DGKI: variants seen among roughly 807,000 people sequenced by gnomAD.
DGKI encodes diacylglycerol kinase iota.
In DGKI, 55 loss-of-function variants were observed where a neutral mutation model predicts 147.5. The observed-to-expected ratio is 0.37, with a 90% CI of 0.30 to 0.47. DGKI has a LOEUF of 0.47. Among genes scored for constraint, DGKI ranks in the 20% least tolerant of loss-of-function variants. DGKI has a pLI of 1.00. For missense variants in DGKI, 1,007 were observed against 1,323.8 expected (o/e 0.76, Z 3.71); for synonymous variants, 469 against 477.1 (o/e 0.98, Z 0.22).
chr7:137,743,574 A>G (rs1467945199), intron 1 of DGKI, among the ~76,000 whole-genome samples: 1 of 152,226 alleles, frequency 6.6e-6, no homozygotes, highest in Non-Finnish European at 1.5e-5. Flanking sequence ...TCAAAAAATT[A>G]TTTGAAACAA....
chr7:137,768,679 T>C (rs1450611039), intron 1 of DGKI, among the ~76,000 whole-genome samples: 1 of 152,160 alleles, frequency 6.6e-6, no homozygotes, highest in Non-Finnish European at 1.5e-5. Context: ...CCCTGAATCT[T>C]TGCCCCATCC....
intron 1 of DGKI, among the ~76,000 whole-genome samples, chr7:137,747,083 T>C (rs1470492658): frequency 6.6e-6 from 1 of 152,160 alleles, no homozygotes; most frequent in Non-Finnish European, 1.5e-5. Flanking sequence ...CCTAATAATT[T>C]AGGTTTTTTT....
chr7:137,447,076 C>A (rs1030458106), intron 27 of DGKI, among the ~76,000 whole-genome samples: 1 of 152,162 alleles, frequency 6.6e-6, no homozygotes, highest in Non-Finnish European at 1.5e-5. Flanking sequence ...ACAGAATATT[C>A]ATATTTGTTT....
intron 1 of DGKI, among the ~76,000 whole-genome samples, chr7:137,777,528 C>G (rs1298800546): frequency 6.6e-6 from 1 of 152,204 alleles, no homozygotes; most frequent in African/African-American, 2.4e-5. Context: ...TGTAGCCACG[C>G]CAATTAAAGC....
chr7:137,540,761 CCAA>C (rs1817666035), intron 20 of DGKI, among the ~76,000 whole-genome samples: 4 of 35,540 alleles, frequency 1.1e-4, no homozygotes, highest in African/African-American at 1.7e-4. Flanking sequence ...AAAAACCCCC[CCAA>C]AAAAAAAAAA....
chr7:137,535,907 C>T (rs1167755046), intron 20 of DGKI, among the ~76,000 whole-genome samples: 1 of 152,022 alleles, frequency 6.6e-6, no homozygotes, highest in African/African-American at 2.4e-5. Flanking sequence ...AAATGCCACT[C>T]CTTACGATTC....
intron 20 of DGKI, among the ~76,000 whole-genome samples, chr7:137,523,434 T>C (rs1016794119): frequency 3.3e-5 from 5 of 150,180 alleles, no homozygotes; most frequent in East Asian, 2.0e-4. Flanking sequence ...CTCTCTCTCT[T>C]TCTCTCTCTC....
At chr7:137,843,795 A>ACACACC (rs1554488531) in intron 1 of DGKI, among the ~76,000 whole-genome samples, 69 of 141,902 alleles carry the variant, frequency 4.9e-4, no homozygotes, top group East Asian at 3.8e-3. Context: ...ACACACACAC[A>ACACACC]CCCTCTCTCC....
intron 20 of DGKI, among the ~76,000 whole-genome samples, chr7:137,552,167 A>G (rs1396599706): frequency 6.6e-6 from 1 of 152,248 alleles, no homozygotes; most frequent in Non-Finnish European, 1.5e-5. Context: ...AGTAATAACT[A>G]CTAAAAGAAG....
At chr7:137,623,712 C>T (rs1820833001) in intron 6 of DGKI, among the ~76,000 whole-genome samples, 158 bp from the exon 7 acceptor site, 2 of 152,088 alleles carry the variant, frequency 1.3e-5, no homozygotes, top group African/African-American at 4.8e-5. Context: ...TTGAGCACCA[C>T]ACTCTCCACT....
chr7:137,443,241 C>G (rs1404938841), intron 28 of DGKI, among the ~76,000 whole-genome samples: 1 of 152,100 alleles, frequency 6.6e-6, no homozygotes, highest in Admixed American at 6.5e-5. Flanking sequence ...TATTGGTCGG[C>G]TGGAAAGATT....
At chr7:137,518,027 C>G (rs1816839499) in intron 21 of DGKI, among the ~76,000 whole-genome samples, 1 of 152,000 alleles carries the variant, frequency 6.6e-6, no homozygotes, top group Admixed American at 6.6e-5. Context: ...CTGCCTCAAG[C>G]CAGGAAGAGT....
intron 20 of DGKI, among the ~76,000 whole-genome samples, chr7:137,529,745 C>T (rs1020907538): frequency 2.6e-5 from 4 of 152,098 alleles, no homozygotes; most frequent in Non-Finnish European, 4.4e-5. Flanking sequence ...TTACATGGAT[C>T]CATCCCTACA....
rs1811123022 is a variant in DGKI at position 137,384,154 on chromosome 7, C to T, written c.*7066G>A. On this transcript the variant is annotated 3_prime_UTR_variant, in exon 33 of 33. Transcript: ENST00000614521. Reference sequence around the variant, plus strand: ...AATTATATCATCCTAATAGTGACTTCAAAGGAAGAAAAATAGGACTAACAT... The same window carrying T: ...AATTATATCATCCTAATAGTGACTTTAAAGGAAGAAAAATAGGACTAACAT... 6.6e-6 allele frequency: 1 copy of T among 151,886 alleles called. No individual in the cohort carries two copies. Among genetic ancestry groups the T allele is most frequent in the Non-Finnish European group, 1.5e-5 (1 of 67,918 alleles). 9.4% of individuals were successfully genotyped at this position (151,886 alleles called of 1,614,324 possible).
intron 19 of DGKI, among the ~76,000 whole-genome samples, chr7:137,552,883 C>G (rs111841995): frequency 5.3e-5 from 8 of 152,144 alleles, no homozygotes; most frequent in African/African-American, 1.9e-4. Context: ...CCGCTGCACT[C>G]CAGCATGGGC....
At chr7:137,638,615 C>T (rs200159878) in intron 6 of DGKI, among the ~76,000 whole-genome samples, 3,379 of 8,060 alleles carry the variant, frequency 0.42, 1,227 homozygotes, top group African/African-American at 0.54. Flanking sequence ...TATATATACA[C>T]ACACACATAT....
intron 24 of DGKI, among the ~76,000 whole-genome samples, chr7:137,468,153 T>C (rs979202302): frequency 1.3e-5 from 2 of 152,202 alleles, no homozygotes; most frequent in East Asian, 1.9e-4. Context: ...ATTTAATGAG[T>C]AGCTTCTCTC....
In DGKI at chr7:137,700,789, A is replaced by C. The variant is rs142264572; in HGVS notation, c.402-10787T>G. On this transcript the variant is annotated intron_variant, in intron 1 of 32. Coordinates refer to ENST00000614521, the MANE Select transcript of DGKI (RefSeq NM_001321708.2). ...GCTACTTGGGAGGCTGAGGCAGGAG[A>C]ATTGCTTGAACCTGGGAGGCAGAAG... Among the ~76,000 whole-genome samples, 1,505 of 152,190 alleles carry C rather than the reference A, an allele frequency of 9.9e-3. 26 individuals are homozygous for C. Among genetic ancestry groups the C allele is most frequent in the African/African-American group, 0.034 (1,393 of 41,522 alleles).
chr7:137,587,969 AC>A (rs1819467302), intron 12 of DGKI, among the ~76,000 whole-genome samples: 1 of 152,208 alleles, frequency 6.6e-6, no homozygotes, highest in Admixed American at 6.5e-5. Flanking sequence ...AGAAAAATTG[AC>A]CAAAATTTGA....
Sources: allele counts gnomAD v4.1 joint callset (sites outside exome capture counted in the v4.1 genomes callset), GRCh38; gene constraint gnomAD v4.1.1; transcripts MANE v1.5; gene names NCBI Gene and HGNC (gene_info 2026-07-23, HGNC 2026-07-21).